Variants in LUZP2 observed in about 807,000 individuals in gnomAD.
LUZP2 encodes leucine zipper protein 2.
In LUZP2, 52 loss-of-function variants were observed where a neutral mutation model predicts 51.6. That is an observed-to-expected ratio of 1.01 (90% confidence interval 0.81 to 1.27). The LOEUF is 1.27. Ranked by LOEUF, LUZP2 falls within the 50% of genes most tolerant of loss-of-function variation. The pLI, the probability that LUZP2 is intolerant of heterozygous loss-of-function variation, is 0.00. For synonymous variants in LUZP2, 154 were observed against 137.3 expected, an observed-to-expected ratio of 1.12 and a Z score of -0.85; for missense variants, 436 against 395.4, an observed-to-expected ratio of 1.10 and a Z score of -0.87.
At chr11:24,805,819 A>G (rs1247294286) in intron 5 of LUZP2, among the ~76,000 whole-genome samples, 1 of 152,202 alleles carries the variant, frequency 6.6e-6, no homozygotes, top group East Asian at 1.9e-4. Flanking sequence ...AAGACGAGAA[A>G]GGGAAGGCAG....
At chr11:24,566,673 T>G (rs1852236753) in intron 1 of LUZP2, among the ~76,000 whole-genome samples, 1 of 147,144 alleles carries the variant, frequency 6.8e-6, no homozygotes, top group South Asian at 2.1e-4. Flanking sequence ...TAGCCTGAGA[T>G]CCTGTGTTTT....
At chr11:25,044,235 A>ATGTG (rs368613234) in intron 9 of LUZP2, among the ~76,000 whole-genome samples, 16 of 107,064 alleles carry the variant, frequency 1.5e-4, no homozygotes, top group African/African-American at 4.2e-4. Context: ...GTGTATGTGT[A>ATGTG]TGTGTGTGTG....
At chr11:24,520,174 G>A (rs1471261138) in intron 1 of LUZP2, among the ~76,000 whole-genome samples, 1 of 152,140 alleles carries the variant, frequency 6.6e-6, no homozygotes, top group Non-Finnish European at 1.5e-5. Context: ...GGGAAATCAG[G>A]TAGAAAGACA....
chr11:24,764,821 C>A (rs1322059870), intron 5 of LUZP2, among the ~76,000 whole-genome samples: 1 of 152,120 alleles, frequency 6.6e-6, no homozygotes, highest in Non-Finnish European at 1.5e-5. Context: ...GAGATTCCAT[C>A]TCTACCAAAT....
intron 1 of LUZP2, among the ~76,000 whole-genome samples, chr11:24,609,317 T>A (rs918045141): frequency 6.6e-6 from 1 of 152,080 alleles, no homozygotes; most frequent in African/African-American, 2.4e-5. Context: ...AGTTGACAGA[T>A]TGTGAAAGCA....
chr11:24,791,135 T>C (rs1849395956), intron 5 of LUZP2, among the ~76,000 whole-genome samples: 1 of 152,188 alleles, frequency 6.6e-6, no homozygotes, highest in Admixed American at 6.5e-5. Context: ...CACTTCGTAA[T>C]AATTGTTGAC....
intron 5 of LUZP2, among the ~76,000 whole-genome samples, chr11:24,896,130 T>C (rs1853036000): frequency 1.3e-5 from 2 of 152,240 alleles, no homozygotes. Flanking sequence ...GATGACAACG[T>C]GCTAGCAGCC....
intron 10 of LUZP2, among the ~76,000 whole-genome samples, chr11:25,074,318 G>A (rs971417475): frequency 6.6e-6 from 1 of 152,124 alleles, no homozygotes; most frequent in Non-Finnish European, 1.5e-5. Context: ...GTGCCTCTCT[G>A]AGACTCACTA....
At chr11:25,041,140 G>A (rs1015239363) in intron 9 of LUZP2, among the ~76,000 whole-genome samples, 2 of 151,982 alleles carry the variant, frequency 1.3e-5, no homozygotes, top group African/African-American at 4.8e-5. Flanking sequence ...CAGAACAGTA[G>A]CTTTCCTTAT....
At chr11:24,631,575 T>A (rs532574136) in intron 1 of LUZP2, among the ~76,000 whole-genome samples, 1 of 152,046 alleles carries the variant, frequency 6.6e-6, no homozygotes, top group South Asian at 2.1e-4. Flanking sequence ...AGTGTTACAT[T>A]TTTGATGTGC....
intron 7 of LUZP2, among the ~76,000 whole-genome samples, chr11:24,926,591 G>GTA (rs528657237): frequency 6.8e-6 from 1 of 146,032 alleles, no homozygotes; most frequent in Non-Finnish European, 1.5e-5. Context: ...ATATATGTGT[G>GTA]TATATATATG....
chr11:24,672,652 A>G (rs1856434508), intron 1 of LUZP2, among the ~76,000 whole-genome samples: 2 of 152,214 alleles, frequency 1.3e-5, no homozygotes, highest in South Asian at 4.1e-4. Context: ...ATATATTCTG[A>G]GAAATGCATT....
chr11:25,069,835 A>T (rs1565308069), intron 10 of LUZP2, among the ~76,000 whole-genome samples: 2 of 150,462 alleles, frequency 1.3e-5, no homozygotes, highest in African/African-American at 4.9e-5. Context: ...GGAATTTCTT[A>T]TTTTTTTTTA....
chr11:24,686,852 C>T (rs369001446), intron 1 of LUZP2, among the ~76,000 whole-genome samples: 1 of 152,040 alleles, frequency 6.6e-6, no homozygotes, highest in East Asian at 1.9e-4. Context: ...AGGTTTGACC[C>T]TGCTCATGCT....
chr11:25,072,666 TGTA>T (rs1437414492), intron 10 of LUZP2, among the ~76,000 whole-genome samples: 3 of 152,080 alleles, frequency 2.0e-5, no homozygotes, highest in Non-Finnish European at 4.4e-5. Flanking sequence ...TACCCTGTAA[TGTA>T]GTGTAGCTTT....
chr11:25,037,201 A>C (rs1355355098), intron 9 of LUZP2, among the ~76,000 whole-genome samples: 1 of 152,152 alleles, frequency 6.6e-6, no homozygotes, highest in African/African-American at 2.4e-5. Flanking sequence ...CTTTAGCATT[A>C]TGTAATGCAC....
At position 24,765,566 on chromosome 11, in the gene LUZP2, C is replaced by T. The variant is rs935814290; in HGVS notation, c.396+2258C>T. Among the ~76,000 whole-genome samples, 5 of 151,874 alleles carry T rather than the reference C, an allele frequency of 3.3e-5. No individual in the cohort carries two copies. The East Asian group carries it at 7.7e-4, about 23-fold the overall frequency. On this transcript the variant is annotated intron_variant, in intron 5 of 11. Coordinates refer to ENST00000336930, the MANE Select transcript of LUZP2 (RefSeq NM_001009909.4). ...TTATGTGATGTACCACATTTATTGA[C>T]CACATATGTTAAGAAATGAGATAGA...
At position 25,006,365 on chromosome 11, in the gene LUZP2, A is replaced by G. The variant is rs117352328; in HGVS notation, c.765+23072A>G. On this transcript the variant is annotated intron_variant, in intron 9 of 11. Transcript: ENST00000336930. ...CTCGCTTGGGCGACATGACTTTGAT[A>G]GTTCTGCTCATGGCCACAGGATCAA... is the stretch of plus-strand genomic sequence containing the variant. Among the ~76,000 whole-genome samples, 1,027 of 152,232 alleles carry G rather than the reference A, an allele frequency of 6.7e-3. 33 individuals are homozygous for G. The East Asian group carries it at 0.099, about 15-fold the overall frequency.
intron 1 of LUZP2, chr11:24,701,688 G>C (rs563656826): frequency 6.6e-6 from 1 of 152,312 alleles, no homozygotes; most frequent in East Asian, 1.9e-4. Context: ...TCATTTTCAG[G>C]AAGGAGGGAA....
Sources: gnomAD v4.1 joint callset for allele counts (sites outside exome capture counted in the v4.1 genomes callset) on GRCh38, gnomAD v4.1.1 for gene constraint, MANE v1.5 for transcripts, NCBI Gene and HGNC (gene_info 2026-07-23, HGNC 2026-07-21) for gene names.